Variants in TSHZ2 observed in about 807,000 individuals in gnomAD.
TSHZ2 encodes the protein teashirt zinc finger homeobox 2.
In TSHZ2, 21 loss-of-function variants were observed where a neutral mutation model predicts 74.4. That is an observed-to-expected ratio of 0.28 (90% CI 0.20 to 0.41). The LOEUF is 0.41. Ranked by LOEUF, TSHZ2 falls within the 10% of genes least tolerant of loss-of-function variation. The pLI, the probability that TSHZ2 is intolerant of heterozygous loss-of-function variation, is 1.00. For missense variants in TSHZ2, 1,244 were observed against 1,293.5 expected (o/e 0.96, Z 0.59); for synonymous variants, 540 against 515.3 (o/e 1.05, Z -0.65).
At chr20:53,304,554 G>A (rs1015268739) in intron 2 of TSHZ2, among the ~76,000 whole-genome samples, 3 of 152,068 alleles carry the variant, frequency 2.0e-5, no homozygotes, top group Non-Finnish European at 4.4e-5. Context: ...AAAATTGCCT[G>A]CCCCAAACCT....
chr20:53,047,683 A>T (rs1274698177), intron 1 of TSHZ2, among the ~76,000 whole-genome samples: 1 of 152,212 alleles, frequency 6.6e-6, no homozygotes, highest in Non-Finnish European at 1.5e-5. Context: ...TAAGAAAAAC[A>T]CTATGACAAC....
intron 1 of TSHZ2, among the ~76,000 whole-genome samples, chr20:53,131,833 C>G (rs867601119): frequency 3.1e-5 from 2 of 64,162 alleles, no homozygotes; most frequent in Non-Finnish European, 5.8e-5. Context: ...CCCCCCCCCC[C>G]CAAAAAAAAA....
chr20:53,065,929 A>G (rs1984969392), intron 1 of TSHZ2, among the ~76,000 whole-genome samples: 1 of 152,210 alleles, frequency 6.6e-6, no homozygotes, highest in Non-Finnish European at 1.5e-5. Flanking sequence ...GTTTACAGAC[A>G]TCCAAGAATC....
chr20:53,315,340 T>C (rs1600806380), intron 2 of TSHZ2, among the ~76,000 whole-genome samples: 1 of 152,244 alleles, frequency 6.6e-6, no homozygotes, highest in Non-Finnish European at 1.5e-5. Flanking sequence ...AATTGGATCC[T>C]TCTCTTGAAG....
chr20:53,367,124 G>A (rs1454152000), intron 2 of TSHZ2, among the ~76,000 whole-genome samples: 7 of 152,040 alleles, frequency 4.6e-5, no homozygotes, highest in African/African-American at 1.7e-4. Context: ...AGCCGGGCGT[G>A]GTGACTCATG....
At chr20:53,480,140 C>A in intron 2 of TSHZ2, among the ~76,000 whole-genome samples, 1 of 149,530 alleles carries the variant, frequency 6.7e-6, no homozygotes, top group East Asian at 2.0e-4. Flanking sequence ...GTGATCTCGA[C>A]TCACTGCAAC....
chr20:53,206,391 G>A (rs1026959641), intron 1 of TSHZ2, among the ~76,000 whole-genome samples: 1 of 152,106 alleles, frequency 6.6e-6, no homozygotes, highest in Non-Finnish European at 1.5e-5. Flanking sequence ...ACGATGATGA[G>A]GATAATGATT....
At chr20:53,232,864 C>A (rs1311056302) in intron 1 of TSHZ2, among the ~76,000 whole-genome samples, 5 of 152,072 alleles carry the variant, frequency 3.3e-5, no homozygotes, top group African/African-American at 9.7e-5. Context: ...AGCTAAGAGG[C>A]CATTCAGCAA....
chr20:53,037,759 G>C (rs1213598959), intron 1 of TSHZ2, among the ~76,000 whole-genome samples: 1 of 152,202 alleles, frequency 6.6e-6, no homozygotes, highest in Non-Finnish European at 1.5e-5. Flanking sequence ...CGGGAGACTT[G>C]TTTCGGCAGT....
At chr20:53,236,496 T>C (rs917262759) in intron 1 of TSHZ2, among the ~76,000 whole-genome samples, 3 of 152,220 alleles carry the variant, frequency 2.0e-5, no homozygotes, top group African/African-American at 4.8e-5. Flanking sequence ...GCCTCCACTA[T>C]ACACATTGGT....
At chr20:53,362,484 C>G (rs1219535444) in intron 2 of TSHZ2, among the ~76,000 whole-genome samples, 1 of 152,148 alleles carries the variant, frequency 6.6e-6, no homozygotes, top group Non-Finnish European at 1.5e-5. Context: ...GTGCCCGGCC[C>G]ACACAGTTTT....
intron 2 of TSHZ2, among the ~76,000 whole-genome samples, chr20:53,281,189 A>G (rs1432346608): frequency 6.6e-6 from 1 of 152,186 alleles, no homozygotes; most frequent in Non-Finnish European, 1.5e-5. Context: ...GGGGAAATGG[A>G]AGGCTACTTT....
intron 1 of TSHZ2, among the ~76,000 whole-genome samples, chr20:53,071,741 C>G (rs1985181155): frequency 6.6e-6 from 1 of 152,136 alleles, no homozygotes; most frequent in Non-Finnish European, 1.5e-5. Context: ...TATCCAAGAT[C>G]TTTTTCCTCT....
At chr20:53,109,467 C>T (rs1422928048) in intron 1 of TSHZ2, among the ~76,000 whole-genome samples, 8 of 152,180 alleles carry the variant, frequency 5.3e-5, no homozygotes, top group Non-Finnish European at 1.0e-4. Flanking sequence ...TGGAGCTCCT[C>T]CTCTCCCACT....
At chr20:53,175,021 T>C (rs1021331839) in intron 1 of TSHZ2, among the ~76,000 whole-genome samples, 1 of 152,104 alleles carries the variant, frequency 6.6e-6, no homozygotes, top group East Asian at 1.9e-4. Context: ...GATGAGTTTC[T>C]GTTTGCTGGC....
intron 1 of TSHZ2, among the ~76,000 whole-genome samples, chr20:52,994,625 T>C (rs1982114648): frequency 6.6e-6 from 1 of 152,220 alleles, no homozygotes; most frequent in Non-Finnish European, 1.5e-5. Context: ...TTGATTTCCC[T>C]TCAGACGAAT....
chr20:53,180,331 G>A (rs918613878), intron 1 of TSHZ2, among the ~76,000 whole-genome samples: 1 of 152,216 alleles, frequency 6.6e-6, no homozygotes, highest in African/African-American at 2.4e-5. Context: ...TTCCCAGGAT[G>A]ATGGCATTTT....
chr20:53,435,376 T>C (rs1984009361), intron 2 of TSHZ2, among the ~76,000 whole-genome samples: 1 of 152,224 alleles, frequency 6.6e-6, no homozygotes, highest in African/African-American at 2.4e-5. Context: ...GATGACTGTT[T>C]CCTTCTTTGT....
intron 1 of TSHZ2, among the ~76,000 whole-genome samples, chr20:53,180,109 A>G (rs752970120): frequency 6.6e-6 from 1 of 152,072 alleles, no homozygotes; most frequent in Non-Finnish European, 1.5e-5. Flanking sequence ...TACTTTCCCC[A>G]TTAATTACTT....
Sources: allele counts gnomAD v4.1 joint callset (sites outside exome capture counted in the v4.1 genomes callset), GRCh38; gene constraint gnomAD v4.1.1; transcripts MANE v1.5; gene names NCBI Gene and HGNC (gene_info 2026-07-23, HGNC 2026-07-21).